SNAP91: variants seen among roughly 807,000 people sequenced by gnomAD.
SNAP91 encodes the protein clathrin coat assembly protein AP180.
A neutral mutation model predicts 100.3 loss-of-function variants in SNAP91; 27 were observed. That is an observed-to-expected ratio of 0.27 (90% CI 0.20 to 0.37). The LOEUF (loss-of-function observed/expected upper bound fraction) is 0.37. SNAP91 is among the 10% of genes least tolerant of loss of function. The pLI is 1.00. For missense variants in SNAP91, 986 were observed against 1,123.7 expected (o/e 0.88, Z 1.75); for synonymous variants, 404 against 398.6 (o/e 1.01, Z -0.16).
intron 7 of SNAP91, among the ~76,000 whole-genome samples, chr6:83,644,942 A>C (rs189940616): frequency 1.0e-3 from 154 of 152,348 alleles, no homozygotes; most frequent in African/African-American, 3.6e-3. Context: ...CAAAATATGT[A>C]AATTCAAAAT....
intron 12 of SNAP91, 81 bp downstream of exon 12, chr6:83,610,569 T>C (rs1008504553): frequency 1.7e-5 from 8 of 477,338 alleles, no homozygotes; most frequent in African/African-American, 1.4e-4. Flanking sequence ...AGGTATATAA[T>C]GCCACTGAAC....
chr6:83,681,128 C>T (rs969941775), intron 2 of SNAP91, among the ~76,000 whole-genome samples: 1 of 152,150 alleles, frequency 6.6e-6, no homozygotes, highest in Non-Finnish European at 1.5e-5. Flanking sequence ...ATCTTAGAAT[C>T]ACTAGGTTGA....
At chr6:83,676,403 C>G (rs913073675) in intron 2 of SNAP91, among the ~76,000 whole-genome samples, 1 of 152,090 alleles carries the variant, frequency 6.6e-6, no homozygotes, top group East Asian at 1.9e-4. Flanking sequence ...GAAAAGGCCT[C>G]CCCAAGGAAA....
In SNAP91 at chr6:83,575,021, T is replaced by C; in HGVS notation, c.2431A>G (p.Ser811Gly). The C allele has an allele frequency of 1.3e-6, 2 of 1,593,492 alleles. No homozygotes were observed. The highest frequency in any genetic ancestry group is 2.3e-5 in the South Asian group (2 of 87,652). The change falls in exon 26 of 30, where the codon AGT (serine) becomes GGT (glycine). Residue 811 changes from serine (S) to glycine (G), a missense_variant. Ser to Gly is a moderately conservative substitution (Grantham distance 56, BLOSUM62 0). Transcript: ENST00000369694. Reference sequence around the variant, plus strand: ...TGATTGCTACATACCAAAGGTGCACTTGGTGGAACGCCTGCTGACCAGGTT... The same window carrying C: ...TGATTGCTACATACCAAAGGTGCACCTGGTGGAACGCCTGCTGACCAGGTT... ...PATWSAGVPP[S>G]APLQGAVPPT...
chr6:83,666,431 C>A (rs116346732), intron 2 of SNAP91, among the ~76,000 whole-genome samples: 66 of 152,182 alleles, frequency 4.3e-4, no homozygotes, highest in African/African-American at 1.5e-3. Context: ...GCAGACACTG[C>A]ATGACTTCTG....
chr6:83,592,380 T>TA (rs1261536191), intron 21 of SNAP91, 75 bp downstream of exon 21: 1 of 1,007,280 alleles, frequency 9.9e-7, no homozygotes, highest in African/African-American at 1.6e-5. Context: ...AATGATGAAA[T>TA]ATAATAAAAT....
intron 28 of SNAP91, among the ~76,000 whole-genome samples, chr6:83,559,000 T>A (rs531994391): frequency 2.3e-4 from 35 of 152,148 alleles, no homozygotes; most frequent in Non-Finnish European, 4.7e-4. Context: ...AGTAGCACAG[T>A]GTGTAGTAAG....
chr6:83,574,550 T>C (rs1373654229), intron 26 of SNAP91, among the ~76,000 whole-genome samples: 6 of 152,110 alleles, frequency 3.9e-5, no homozygotes. Flanking sequence ...AAAAAAGTTA[T>C]TACTTACTAA....
intron 16 of SNAP91, among the ~76,000 whole-genome samples, chr6:83,599,231 T>A (rs888557690): frequency 1.3e-5 from 2 of 152,148 alleles, no homozygotes; most frequent in Non-Finnish European, 2.9e-5. Context: ...AAGAAATATC[T>A]TAGTCTTTAT....
chr6:83,654,286 T>A (rs1376567748), intron 7 of SNAP91, among the ~76,000 whole-genome samples: 1 of 152,168 alleles, frequency 6.6e-6, no homozygotes, highest in East Asian at 1.9e-4. Context: ...GTCTCTCCAA[T>A]CTTGGGGGCA....
At chr6:83,660,740 TAAAAA>T (rs898539731) in intron 5 of SNAP91, among the ~76,000 whole-genome samples, 2 of 148,290 alleles carry the variant, frequency 1.3e-5, no homozygotes, top group African/African-American at 5.0e-5. Context: ...TCACCTCAAT[TAAAAA>T]AAAAATATTT....
At chr6:83,649,342 TCA>T (rs1401564131) in intron 7 of SNAP91, among the ~76,000 whole-genome samples, 4 of 152,182 alleles carry the variant, frequency 2.6e-5, no homozygotes, top group Admixed American at 6.5e-5. Flanking sequence ...ACAGAAGGTC[TCA>T]GTTTCTTGTT....
At chr6:83,652,825 A>C (rs2098261510) in intron 7 of SNAP91, among the ~76,000 whole-genome samples, 1 of 152,174 alleles carries the variant, frequency 6.6e-6, no homozygotes, top group Non-Finnish European at 1.5e-5. Context: ...TGACTGAGAA[A>C]GTCTTCTCTT....
At chr6:83,602,036 A>G (rs1481307205) in intron 14 of SNAP91, among the ~76,000 whole-genome samples, 1 of 152,188 alleles carries the variant, frequency 6.6e-6, no homozygotes, top group East Asian at 1.9e-4. Context: ...CATGTATAAA[A>G]AGAAACTGTT....
At chr6:83,659,900 G>GT (rs1255547790) in intron 5 of SNAP91, among the ~76,000 whole-genome samples, 1 of 152,144 alleles carries the variant, frequency 6.6e-6, no homozygotes, top group Non-Finnish European at 1.5e-5. Flanking sequence ...CCAAACAAAG[G>GT]TAAGAGTTTA....
intron 2 of SNAP91, among the ~76,000 whole-genome samples, chr6:83,672,276 T>C (rs967067976): frequency 6.6e-6 from 1 of 152,088 alleles, no homozygotes. Flanking sequence ...TACCTTCAAA[T>C]AGAAGAGAGG....
At chr6:83,706,031 T>C (rs867387347) in intron 2 of SNAP91, among the ~76,000 whole-genome samples, 1 of 152,184 alleles carries the variant, frequency 6.6e-6, no homozygotes, top group Non-Finnish European at 1.5e-5. Context: ...AGAAATCATA[T>C]TGGAAAACCT....
intron 2 of SNAP91, among the ~76,000 whole-genome samples, chr6:83,699,052 T>C (rs2099258817): frequency 6.6e-6 from 1 of 152,166 alleles, no homozygotes. Flanking sequence ...AGGGCATAAT[T>C]CAACTTCAGG....
intron 6 of SNAP91, among the ~76,000 whole-genome samples, chr6:83,658,064 G>A (rs1456735315): frequency 1.3e-5 from 2 of 151,670 alleles, no homozygotes; most frequent in Admixed American, 6.6e-5. Context: ...TTACAGGCGT[G>A]AGCCATGCCC....
Sources: allele counts gnomAD v4.1 joint callset (sites outside exome capture counted in the v4.1 genomes callset), GRCh38; gene constraint gnomAD v4.1.1; transcripts MANE v1.5; gene names NCBI Gene and HGNC (gene_info 2026-07-23, HGNC 2026-07-21).